Variants in LINGO2 observed in about 807,000 individuals in gnomAD.
LINGO2 encodes the protein leucine-rich repeat and immunoglobulin-like domain-containing nogo receptor-interacting protein 2.
LINGO2 carries 14 observed loss-of-function variants against 30.6 expected under a neutral mutation model. The ratio of observed to expected loss-of-function variants is 0.46; its 90% CI spans 0.30 to 0.72. LINGO2 has a LOEUF of 0.72. Ranked by LOEUF, LINGO2 falls within the 30% of genes least tolerant of loss-of-function variation. The probability of loss-of-function intolerance (pLI) is 0.07; values close to 1 mark genes in which losing one functional copy is unlikely to be tolerated. For missense variants in LINGO2, 729 were observed against 751.7 expected, an observed-to-expected ratio of 0.97 and a Z score of 0.35; for synonymous variants, 317 against 288.5, an observed-to-expected ratio of 1.10 and a Z score of -1.00.
the LINGO2 span, among the ~76,000 whole-genome samples, chr9:29,000,158 T>C: frequency 7.0e-3 from 1,072 of 152,090 alleles, 18 homozygotes; most frequent in African/African-American, 0.024. Flanking sequence ...TTCAGAGTTT[T>C]AGGAATTGTG....
the LINGO2 span, among the ~76,000 whole-genome samples, chr9:29,040,596 T>C: frequency 2.6e-5 from 4 of 151,636 alleles, no homozygotes; most frequent in African/African-American, 7.3e-5. Flanking sequence ...AATTATCATA[T>C]AATTTCCAAA....
chr9:29,019,012 G>A, the LINGO2 span, among the ~76,000 whole-genome samples: 2 of 152,036 alleles, frequency 1.3e-5, no homozygotes, highest in Non-Finnish European at 2.9e-5. Context: ...TTTAGACTAG[G>A]TGACCTATAA....
intron 1 of LINGO2, among the ~76,000 whole-genome samples, chr9:28,608,837 C>G (rs1825797406): frequency 1.3e-5 from 2 of 151,912 alleles, no homozygotes; most frequent in South Asian, 4.2e-4. Context: ...GCTATGAAAA[C>G]TTAGATGGTT....
At chr9:28,024,721 G>A (rs1331397713) in intron 4 of LINGO2, among the ~76,000 whole-genome samples, 2 of 152,132 alleles carry the variant, frequency 1.3e-5, no homozygotes, top group African/African-American at 4.8e-5. Context: ...GCATCTTCAT[G>A]GATATCCTCA....
chr9:28,395,410 G>A (rs1325271840), intron 2 of LINGO2, among the ~76,000 whole-genome samples: 1 of 152,152 alleles, frequency 6.6e-6, no homozygotes, highest in Non-Finnish European at 1.5e-5. Context: ...CATATTAGAA[G>A]TTTAGAAGAG....
At chr9:27,999,725 CTG>C (rs1821853335) in intron 5 of LINGO2, among the ~76,000 whole-genome samples, 1 of 152,138 alleles carries the variant, frequency 6.6e-6, no homozygotes, top group African/African-American at 2.4e-5. Flanking sequence ...GAAAGACTGA[CTG>C]TGCAAAGGAC....
the LINGO2 span, among the ~76,000 whole-genome samples, chr9:28,980,263 A>G: frequency 6.6e-6 from 1 of 152,096 alleles, no homozygotes; most frequent in Non-Finnish European, 1.5e-5. Flanking sequence ...TCTCACCAAG[A>G]GTATTGCAGG....
intron 4 of LINGO2, among the ~76,000 whole-genome samples, chr9:28,034,947 C>G (rs1381197310): frequency 4.6e-5 from 7 of 152,200 alleles, no homozygotes; most frequent in Non-Finnish European, 1.0e-4. Flanking sequence ...GTAAGTGTAG[C>G]TAGCTATGAG....
chr9:28,851,385 G>T, the LINGO2 span, among the ~76,000 whole-genome samples: 10 of 152,138 alleles, frequency 6.6e-5, no homozygotes, highest in East Asian at 1.9e-3. Flanking sequence ...TGCCTCTCTG[G>T]TTCTATCTCT....
At chr9:29,094,786 T>C in the LINGO2 span, among the ~76,000 whole-genome samples, 1 of 139,142 alleles carries the variant, frequency 7.2e-6, no homozygotes, top group Admixed American at 7.3e-5. Context: ...ATTTCACTTG[T>C]TTCATTTTAC....
At chr9:29,197,398 C>T in the LINGO2 span, among the ~76,000 whole-genome samples, 174 of 152,118 alleles carry the variant, frequency 1.1e-3, no homozygotes, top group African/African-American at 4.1e-3. Flanking sequence ...ATAATTTCTA[C>T]TTCTGATCAT....
At chr9:29,035,536 A>G in the LINGO2 span, among the ~76,000 whole-genome samples, 3 of 142,876 alleles carry the variant, frequency 2.1e-5, no homozygotes, top group African/African-American at 7.7e-5. Context: ...CAGAGAAGGA[A>G]GAGCTCAAGG....
At chr9:28,264,540 G>T (rs73645625) in intron 4 of LINGO2, among the ~76,000 whole-genome samples, 1,887 of 151,966 alleles carry the variant, frequency 0.012, 34 homozygotes, top group African/African-American at 0.044. Context: ...TAGTCATTCA[G>T]CCCATGTTTG....
At chr9:29,043,300 A>C in the LINGO2 span, among the ~76,000 whole-genome samples, 1 of 152,102 alleles carries the variant, frequency 6.6e-6, no homozygotes, top group South Asian at 2.1e-4. Flanking sequence ...ATTCTGCTCC[A>C]TTTCCATTAT....
chr9:29,199,981 A>G, the LINGO2 span, among the ~76,000 whole-genome samples: 41 of 152,254 alleles, frequency 2.7e-4, no homozygotes, highest in African/African-American at 9.4e-4. Context: ...AACGAAAACT[A>G]TCAGAATGCC....
At chr9:28,469,076 T>C (rs1293641600) in intron 2 of LINGO2, among the ~76,000 whole-genome samples, 1 of 151,912 alleles carries the variant, frequency 6.6e-6, no homozygotes, top group Non-Finnish European at 1.5e-5. Flanking sequence ...AGAAACAATA[T>C]ATGAACATAA....
At chr9:28,531,050 T>C (rs905293937) in intron 1 of LINGO2, among the ~76,000 whole-genome samples, 3 of 145,502 alleles carry the variant, frequency 2.1e-5, no homozygotes, top group South Asian at 2.1e-4. Flanking sequence ...TAAAAATAAA[T>C]ATATATATAT....
intron 4 of LINGO2, among the ~76,000 whole-genome samples, chr9:28,167,023 C>T (rs1170023668): frequency 6.6e-6 from 1 of 151,940 alleles, no homozygotes; most frequent in Non-Finnish European, 1.5e-5. Context: ...ATACTAGTTC[C>T]TAGATGGCAT....
At chr9:28,959,709 T>G in the LINGO2 span, among the ~76,000 whole-genome samples, 3 of 151,476 alleles carry the variant, frequency 2.0e-5, no homozygotes, top group Admixed American at 2.0e-4. Context: ...TAATACTGAA[T>G]AGTGACAAAC....
Sources: gnomAD v4.1 joint callset for allele counts (sites outside exome capture counted in the v4.1 genomes callset) on GRCh38, gnomAD v4.1.1 for gene constraint, MANE v1.5 for transcripts, NCBI Gene and HGNC (gene_info 2026-07-23, HGNC 2026-07-21) for gene names.